Variants in VPS13B observed in about 807,000 individuals in gnomAD.
The protein encoded by VPS13B is vacuolar protein sorting 13 homolog B.
A neutral mutation model predicts 426.4 loss-of-function variants in VPS13B; 285 were observed. The ratio of observed to expected loss-of-function variants is 0.67; its 90% CI spans 0.61 to 0.74. The LOEUF (loss-of-function observed/expected upper bound fraction) is 0.74. Among genes scored for constraint, VPS13B ranks in the 30% least tolerant of loss-of-function variants. VPS13B has a pLI of 0.00. For synonymous variants in VPS13B, 1,676 were observed against 1,676.4 expected (o/e 1.00, Z 0.01); for missense variants, 4,537 against 4,782.6 (o/e 0.95, Z 1.51).
At chr8:99,062,538 G>A (rs1267265747) in intron 3 of VPS13B, among the ~76,000 whole-genome samples, 3 of 152,038 alleles carry the variant, frequency 2.0e-5, no homozygotes, top group African/African-American at 4.8e-5. Flanking sequence ...GCGTCATCTC[G>A]GCTCACTGCA....
At chr8:99,599,366 T>G (rs1211711611) in intron 33 of VPS13B, among the ~76,000 whole-genome samples, 1 of 152,080 alleles carries the variant, frequency 6.6e-6, no homozygotes, top group African/African-American at 2.4e-5. Context: ...TTTCCTCACC[T>G]ACTGTTCTCT....
chr8:99,146,321 G>A (rs940255027), intron 13 of VPS13B, among the ~76,000 whole-genome samples: 1 of 152,028 alleles, frequency 6.6e-6, no homozygotes, highest in African/African-American at 2.4e-5. Context: ...TTTTACCTTT[G>A]TAAAAAATCA....
chr8:99,044,471 C>T (rs1468475412), intron 3 of VPS13B, among the ~76,000 whole-genome samples: 1 of 151,402 alleles, frequency 6.6e-6, no homozygotes, highest in African/African-American at 2.4e-5. Context: ...ATACAATCAA[C>T]CATTTTATTT....
intron 17 of VPS13B, among the ~76,000 whole-genome samples, chr8:99,250,752 A>G (rs1454298667): frequency 3.3e-5 from 4 of 120,546 alleles, no homozygotes; most frequent in Non-Finnish European, 6.4e-5. Flanking sequence ...TGGCACAATC[A>G]TAGCTCATTG....
chr8:99,601,809 T>A (rs1306686031), intron 33 of VPS13B, among the ~76,000 whole-genome samples: 1 of 152,224 alleles, frequency 6.6e-6, no homozygotes, highest in Non-Finnish European at 1.5e-5. Flanking sequence ...TTTTGAAAAG[T>A]GTCTGTTCAT....
In VPS13B at chr8:99,222,531, G is replaced by T. The variant is rs200143287; in HGVS notation, c.2515+29474G>T. ...TGGATTATTTCATGATTTTATGAAG[G>T]GTAACAGGGTTTTCTAATTCTGTAA... On this transcript the variant is annotated intron_variant, in intron 17 of 61. Coordinates refer to ENST00000357162, the MANE Select transcript of VPS13B (RefSeq NM_152564.5). Among the ~76,000 whole-genome samples, 5 of 152,218 alleles carry T rather than the reference G, an allele frequency of 3.3e-5. No homozygotes were observed. In the East Asian group the frequency reaches 9.7e-4, roughly 29 times the overall value.
chr8:99,784,462 C>T lies in VPS13B; in HGVS notation c.7927C>T (p.His2643Tyr), dbSNP rs920498004. 1 of 1,613,642 alleles carries T rather than the reference C, an allele frequency of 6.2e-7. No individual in the cohort carries two copies. The highest frequency in any genetic ancestry group is 8.5e-7 in the Non-Finnish European group (1 of 1,179,642). The change falls in exon 43 of 62, where the codon CAC (histidine) becomes TAC (tyrosine). Residue 2643 changes from histidine to tyrosine, a missense_variant. This residue lies in a region of VPS13B where 4,311 missense variants were observed against 4,474.3 expected (regional missense o/e 0.96). Coordinates refer to ENST00000357162, the MANE Select transcript of VPS13B (RefSeq NM_152564.5). ...CAGTCACCAGTACAGCTGGCGCTCT[C>T]ACAAATCCCCACAGGTATTTGAGAA... is the stretch of plus-strand genomic sequence containing the variant. ...LHSHQYSWRS[H>Y]KSPQLLHICI... is the part of the protein sequence containing the mutation.
rs748881605 is a variant in VPS13B at position 99,275,201 on chromosome 8, T to G, written c.2771T>G (p.Leu924Trp). 6.2e-7 allele frequency: 1 copy of G among 1,613,012 alleles called. No individual in the cohort carries two copies. Among genetic ancestry groups the G allele is most frequent in the African/African-American group, 1.3e-5 (1 of 74,826 alleles). The change falls in exon 19 of 62, where the codon TTG (leucine) becomes TGG (tryptophan). Residue 924 changes from leucine (L) to tryptophan (W), a missense_variant. By Grantham distance (61) the Leu-to-Trp change is moderately conservative. This residue lies in a region of VPS13B where 4,311 missense variants were observed against 4,474.3 expected (regional missense o/e 0.96). Coordinates refer to ENST00000357162, the MANE Select transcript of VPS13B (RefSeq NM_152564.5). ...RKPESLLAPD[L>W]MAFTIQVPQY... ...CCAGAGTCTCTCTTAGCTCCAGATTTGATGGCCTTCACAATCCAAGTTCCA... is the reference window on the plus strand; with the variant it reads ...CCAGAGTCTCTCTTAGCTCCAGATTGGATGGCCTTCACAATCCAAGTTCCA...
chr8:99,154,506 AG>A (rs1298945496), intron 14 of VPS13B, among the ~76,000 whole-genome samples: 1 of 152,174 alleles, frequency 6.6e-6, no homozygotes, highest in Non-Finnish European at 1.5e-5. Flanking sequence ...CTTACTCAGA[AG>A]GCAGCCCAAA....
At position 99,135,076 on chromosome 8, in the gene VPS13B, T is replaced by C; in HGVS notation, c.1364T>C (p.Met455Thr). The change falls in exon 10 of 62, where the codon ATG becomes ACG. Residue 455 changes from methionine to threonine, a missense_variant. By Grantham distance (81) the Met-to-Thr change is moderately conservative. Coordinates refer to ENST00000357162, the MANE Select transcript of VPS13B (RefSeq NM_152564.5). Reference sequence around the variant, plus strand: ...ATTGGGTTTGTTGGTTGCAGAGCCATGTGCCTTAAAGGAATTATGGGTGTT... The same window carrying C: ...ATTGGGTTTGTTGGTTGCAGAGCCACGTGCCTTAAAGGAATTATGGGTGTT... The part of the protein sequence containing the change: ...CQIGFVGCRA[M>T]CLKGIMGVKD... 6.2e-7 allele frequency: 1 copy of C among 1,613,636 alleles called. No homozygotes were observed. The highest frequency in any genetic ancestry group is 1.3e-5 in the African/African-American group (1 of 75,030).
chr8:99,718,647 A>G (rs1197788064), intron 37 of VPS13B, among the ~76,000 whole-genome samples: 2 of 152,034 alleles, frequency 1.3e-5, no homozygotes, highest in African/African-American at 4.8e-5. Flanking sequence ...TGGAGACATT[A>G]AATGTGAATT....
At chr8:99,452,700 G>A (rs1474101951) in intron 23 of VPS13B, among the ~76,000 whole-genome samples, 2 of 152,206 alleles carry the variant, frequency 1.3e-5, no homozygotes, top group African/African-American at 2.4e-5. Flanking sequence ...TTAATAGGAT[G>A]AACAAAAAGT....
At chr8:99,619,825 A>T (rs1304751476) in intron 33 of VPS13B, among the ~76,000 whole-genome samples, 1 of 151,756 alleles carries the variant, frequency 6.6e-6, no homozygotes, top group African/African-American at 2.4e-5. Flanking sequence ...CAGTGTGCTG[A>T]GATTGTGCCA....
chr8:99,142,922 T>C (rs1360522506), intron 12 of VPS13B, 52 bp from the exon 13 acceptor site: 1 of 1,540,630 alleles, frequency 6.5e-7, no homozygotes, highest in East Asian at 2.4e-5. Context: ...TTTAAAATAT[T>C]TACTTGGTAT....
intron 25 of VPS13B, among the ~76,000 whole-genome samples, chr8:99,488,358 A>G (rs1272920133): frequency 6.6e-6 from 1 of 152,194 alleles, no homozygotes; most frequent in African/African-American, 2.4e-5. Context: ...AAACAAAAAA[A>G]GAATGTTAGT....
At chr8:99,118,745 C>T (rs1186742655) in intron 7 of VPS13B, among the ~76,000 whole-genome samples, 2 of 152,168 alleles carry the variant, frequency 1.3e-5, no homozygotes, top group Non-Finnish European at 2.9e-5. Context: ...GCTACATACA[C>T]TGTATGAATA....
intron 19 of VPS13B, among the ~76,000 whole-genome samples, chr8:99,337,491 T>C (rs1274194271): frequency 1.3e-5 from 2 of 151,684 alleles, no homozygotes; most frequent in African/African-American, 2.4e-5. Context: ...TGTGCACATG[T>C]ACCCTAAAAC....
At chr8:99,361,780 G>C (rs1328525297) in intron 19 of VPS13B, among the ~76,000 whole-genome samples, 8 of 152,058 alleles carry the variant, frequency 5.3e-5, no homozygotes, top group African/African-American at 1.7e-4. Flanking sequence ...ACTATTTTTA[G>C]GTCTCCATGT....
intron 20 of VPS13B, among the ~76,000 whole-genome samples, chr8:99,387,481 C>T (rs1316267555): frequency 6.6e-6 from 1 of 152,106 alleles, no homozygotes; most frequent in Non-Finnish European, 1.5e-5. Context: ...CCTAAGCCTC[C>T]CAAAGTGCTG....
Sources: allele counts gnomAD v4.1 joint callset (sites outside exome capture counted in the v4.1 genomes callset), GRCh38; gene constraint gnomAD v4.1.1; regional missense constraint gnomAD v4.1.1; transcripts MANE v1.5; gene names NCBI Gene and HGNC (gene_info 2026-07-23, HGNC 2026-07-21).